The following FYB1 variants were observed in gnomAD, a reference collection of about 807,000 sequenced individuals.
FYB1 encodes the protein FYN-binding protein 1.
A neutral mutation model predicts 94.1 loss-of-function variants in FYB1; 41 were observed. That is an observed-to-expected ratio of 0.44 (90% CI 0.34 to 0.57). The LOEUF is 0.57. FYB1 is among the 20% of genes least tolerant of loss of function. The pLI is 0.02. For synonymous variants in FYB1, 367 were observed against 353.2 expected, an observed-to-expected ratio of 1.04 and a Z score of -0.44; for missense variants, 1,050 against 976.8, an observed-to-expected ratio of 1.07 and a Z score of -1.00.
chr5:39,231,681 G>A (rs575807975), intron 1 of FYB1, among the ~76,000 whole-genome samples: 14 of 151,494 alleles, frequency 9.2e-5, no homozygotes, highest in African/African-American at 3.4e-4. Flanking sequence ...TAATAAGGAG[G>A]TGCTCAGACA....
intron 1 of FYB1, among the ~76,000 whole-genome samples, chr5:39,224,733 A>G (rs1465886297): frequency 6.6e-6 from 1 of 152,214 alleles, no homozygotes; most frequent in African/African-American, 2.4e-5. Flanking sequence ...ATATCAGAGA[A>G]GCATTACGAT....
intron 2 of FYB1, among the ~76,000 whole-genome samples, chr5:39,200,008 GAATA>G (rs1417735652): frequency 6.6e-6 from 1 of 152,204 alleles, no homozygotes; most frequent in East Asian, 1.9e-4. Flanking sequence ...AGAGGTGAAT[GAATA>G]GAGAACAGGA....
At chr5:39,262,893 A>G (rs1561317023) in intron 1 of FYB1, among the ~76,000 whole-genome samples, 1 of 152,180 alleles carries the variant, frequency 6.6e-6, no homozygotes. Flanking sequence ...AAAGCATAAA[A>G]CCATGGCTGG....
rs1475323422 is a variant in FYB1 at position 39,141,099 on chromosome 5, A to G, written c.1335T>C (p.Ser445=). 10 of 1,585,570 alleles carry G rather than the reference A, an allele frequency of 6.3e-6. No individual in the cohort carries two copies. Among genetic ancestry groups the G allele is most frequent in the Non-Finnish European group, 8.6e-6 (10 of 1,163,202 alleles). The part of the protein sequence containing the change: ...NEDNQDGVTH[S]DGAGNLDEEQ... The stretch of plus-strand genomic sequence containing the variant: ...AAATATGTTTTTGTCGTTTACCATC[A>G]GAGTGCGTGACACCATCTTGATTGT... Residue 445 remains serine (S), a synonymous_variant, in exon 4 of 19, where the codon TCT becomes TCC. Transcript: ENST00000512982.
intron 1 of FYB1, chr5:39,211,059 T>A (rs1450789690): frequency 6.6e-6 from 1 of 152,194 alleles, no homozygotes; most frequent in Non-Finnish European, 1.5e-5. Flanking sequence ...TTAACTTACA[T>A]TTGTTTAGGA....
chr5:39,256,107 G>C (rs75600220), intron 1 of FYB1, among the ~76,000 whole-genome samples: 11,823 of 152,250 alleles, frequency 0.078, 620 homozygotes, highest in Non-Finnish European at 0.11. Context: ...GTTAAATACA[G>C]ATCTTAGCAA....
At chr5:39,245,154 A>G (rs1751412989) in intron 1 of FYB1, among the ~76,000 whole-genome samples, 1 of 152,164 alleles carries the variant, frequency 6.6e-6, no homozygotes, top group Non-Finnish European at 1.5e-5. Context: ...ATTAAAAAAA[A>G]GTGTGTGTGT....
intron 2 of FYB1, among the ~76,000 whole-genome samples, chr5:39,164,608 G>C (rs62358711): frequency 0.16 from 24,172 of 152,052 alleles, 2,299 homozygotes; most frequent in Non-Finnish European, 0.21. Flanking sequence ...ATTTTTAGTA[G>C]AGACAGGATT....
intron 2 of FYB1, among the ~76,000 whole-genome samples, chr5:39,168,297 A>G (rs1418802079): frequency 1.3e-5 from 2 of 152,204 alleles, no homozygotes; most frequent in Admixed American, 6.5e-5. Flanking sequence ...TCTTTCAATT[A>G]CTGTAAAACC....
intron 3 of FYB1, among the ~76,000 whole-genome samples, chr5:39,149,657 C>T (rs1226644296): frequency 1.3e-5 from 2 of 152,246 alleles, no homozygotes; most frequent in East Asian, 3.9e-4. Flanking sequence ...TGTATCGCCA[C>T]CACTCCTGAC....
chr5:39,248,128 A>G (rs1331915047), intron 1 of FYB1, among the ~76,000 whole-genome samples: 1 of 152,218 alleles, frequency 6.6e-6, no homozygotes, highest in African/African-American at 2.4e-5. Context: ...AGAACTATAA[A>G]TAAAGAAAAG....
rs40120 is a variant in FYB1 at position 39,255,431 on chromosome 5, T to C, written c.-28+18972A>G. 9.1e-3 allele frequency among the ~76,000 whole-genome samples: 473 copies of C among 52,156 alleles called. 27 individuals carry two copies. The East Asian group carries it at 0.13, about 15-fold the overall frequency. 34.2% of individuals were successfully genotyped at this position (52,156 alleles called of 152,430 possible). ...ATCTCTCCATTTATCCATTCACCTG[T>C]TTTTTTTTTTTTGGATGAGTTTCAA... On this transcript the variant is annotated intron_variant, in intron 1 of 1. Transcript: ENST00000510188.
At chr5:39,191,832 T>C (rs1747389311) in intron 2 of FYB1, among the ~76,000 whole-genome samples, 2 of 152,210 alleles carry the variant, frequency 1.3e-5, no homozygotes, top group South Asian at 4.1e-4. Flanking sequence ...TTTCCAGTAT[T>C]TTTGTAAAAA....
At chr5:39,165,152 A>T (rs1050240998) in intron 2 of FYB1, among the ~76,000 whole-genome samples, 1 of 152,226 alleles carries the variant, frequency 6.6e-6, no homozygotes, top group African/African-American at 2.4e-5. Flanking sequence ...TAAAATTCAT[A>T]TGGAAGCAAA....
At chr5:39,144,770 C>T (rs1189234831) in intron 3 of FYB1, among the ~76,000 whole-genome samples, 1 of 152,084 alleles carries the variant, frequency 6.6e-6, no homozygotes, top group Non-Finnish European at 1.5e-5. Flanking sequence ...CCACTGCACT[C>T]TAGACTGGAT....
In FYB1 at chr5:39,118,952, C is replaced by A; in HGVS notation, c.2323G>T (p.Val775Leu). The part of the protein sequence containing the change: ...SKKWGTRDLQ[V>L]KPGESLEVIQ... ...ACTTCTAGAGATTCACCAGGTTTTACCTGTAGATCTCTGGTTCCCCACTTT... is the reference window on the plus strand; with the variant it reads ...ACTTCTAGAGATTCACCAGGTTTTAACTGTAGATCTCTGGTTCCCCACTTT... Residue 775 changes from valine to leucine, a missense_variant, in exon 16 of 19, where the codon GTA becomes TTA. Physicochemically the swap from Val to Leu is conservative, Grantham distance 32. Coordinates refer to ENST00000512982, the MANE Select transcript of FYB1 (RefSeq NM_001465.6). 3 of 1,573,894 alleles carry A rather than the reference C, an allele frequency of 1.9e-6. No homozygotes were observed. The highest frequency in any genetic ancestry group is 2.6e-6 in the Non-Finnish European group (3 of 1,154,216).
intron 2 of FYB1, among the ~76,000 whole-genome samples, chr5:39,166,882 T>TAA (rs1744786719): frequency 6.6e-6 from 1 of 151,770 alleles, no homozygotes; most frequent in African/African-American, 2.4e-5. Context: ...ATGGTTATAA[T>TAA]AAAAGCCCAG....
chr5:39,161,241 C>T (rs1253299220), intron 2 of FYB1, among the ~76,000 whole-genome samples: 1 of 152,198 alleles, frequency 6.6e-6, no homozygotes, highest in Non-Finnish European at 1.5e-5. Context: ...ATGTATCACA[C>T]ATTTAATGTT....
intron 3 of FYB1, among the ~76,000 whole-genome samples, chr5:39,145,839 C>T (rs552156060): frequency 2.9e-4 from 44 of 152,004 alleles, no homozygotes; most frequent in African/African-American, 9.4e-4. Context: ...GCTCAGCCCA[C>T]GCTTCCCTTC....
Sources: gnomAD v4.1 joint callset for allele counts (sites outside exome capture counted in the v4.1 genomes callset) on GRCh38, gnomAD v4.1.1 for gene constraint, MANE v1.5 for transcripts, NCBI Gene and HGNC (gene_info 2026-07-23, HGNC 2026-07-21) for gene names.